MAF: variants seen among roughly 807,000 people sequenced by gnomAD.
The protein encoded by MAF is MAF bZIP transcription factor.
In MAF, 10 loss-of-function variants were observed where a neutral mutation model predicts 22.0. That is an observed-to-expected ratio of 0.45 (90% CI 0.28 to 0.77). The LOEUF (loss-of-function observed/expected upper bound fraction) is 0.77. Among genes scored for constraint, MAF ranks in the 30% least tolerant of loss-of-function variants. The pLI, the probability that MAF is intolerant of heterozygous loss-of-function variation, is 0.12. For synonymous variants in MAF, 337 were observed against 255.8 expected (o/e 1.32, Z -3.03); for missense variants, 544 against 548.4 (o/e 0.99, Z 0.08).
At chr16:79,325,907 C>T in the MAF span, among the ~76,000 whole-genome samples, 4 of 152,146 alleles carry the variant, frequency 2.6e-5, no homozygotes, top group Non-Finnish European at 5.9e-5. Context: ...AGGAAGGTAT[C>T]TTACCAGGAT....
At chr16:79,280,731 C>G in the MAF span, among the ~76,000 whole-genome samples, 1 of 152,218 alleles carries the variant, frequency 6.6e-6, no homozygotes, top group Non-Finnish European at 1.5e-5. Flanking sequence ...ACTGTCTTGT[C>G]CAGCCCCTGC....
At chr16:79,391,872 A>AAGGAGGAGGAGGAGGAGG in the MAF span, among the ~76,000 whole-genome samples, 2 of 136,986 alleles carry the variant, frequency 1.5e-5, no homozygotes, top group African/African-American at 5.7e-5. Flanking sequence ...GGAGGAGGAG[A>AAGGAGGAGGAGGAGGAGG]AGGAGGAGGA....
chr16:79,314,744 G>T, the MAF span, among the ~76,000 whole-genome samples: 2 of 152,170 alleles, frequency 1.3e-5, no homozygotes, highest in African/African-American at 4.8e-5. Context: ...CTAGAAATGA[G>T]AGGAGGCTCG....
the MAF span, among the ~76,000 whole-genome samples, chr16:79,519,037 C>G: frequency 2.6e-5 from 4 of 152,226 alleles, no homozygotes; most frequent in Non-Finnish European, 4.4e-5. Context: ...ATGCATCTAT[C>G]ACATGTCTTA....
At chr16:79,540,807 G>T in the MAF span, among the ~76,000 whole-genome samples, 1 of 152,170 alleles carries the variant, frequency 6.6e-6, no homozygotes. Context: ...AGCTATCTTA[G>T]GGTTATTTGG....
chr16:79,204,319 C>T, the MAF span: 2 of 152,100 alleles, frequency 1.3e-5, no homozygotes, highest in African/African-American at 2.4e-5. Context: ...TTCTAGAACG[C>T]TTTGGGCAGG....
At chr16:79,454,216 CAT>C in the MAF span, among the ~76,000 whole-genome samples, 1 of 152,080 alleles carries the variant, frequency 6.6e-6, no homozygotes, top group Non-Finnish European at 1.5e-5. Context: ...GGCTGAACTT[CAT>C]ATCAGTGTGG....
the MAF span, among the ~76,000 whole-genome samples, chr16:79,470,632 T>A: frequency 6.6e-6 from 1 of 152,236 alleles, no homozygotes; most frequent in Non-Finnish European, 1.5e-5. Flanking sequence ...TTACTGGGTA[T>A]TATTCTTCCC....
At chr16:79,445,201 T>G in the MAF span, among the ~76,000 whole-genome samples, 2 of 81,422 alleles carry the variant, frequency 2.5e-5, no homozygotes, top group Non-Finnish European at 5.7e-5. Flanking sequence ...ACCCGTCTAA[T>G]TTTTTGTATT....
chr16:79,526,223 G>C, the MAF span, among the ~76,000 whole-genome samples: 1 of 152,116 alleles, frequency 6.6e-6, no homozygotes, highest in African/African-American at 2.4e-5. Flanking sequence ...TTTTTCCATG[G>C]ATGGGTGTTG....
the MAF span, among the ~76,000 whole-genome samples, chr16:79,460,496 T>C: frequency 2.6e-5 from 4 of 152,216 alleles, no homozygotes; most frequent in Non-Finnish European, 5.9e-5. Context: ...CCTGCAACAT[T>C]ATGATATTTT....
At chr16:79,389,110 C>G in the MAF span, among the ~76,000 whole-genome samples, 1 of 152,186 alleles carries the variant, frequency 6.6e-6, no homozygotes, top group African/African-American at 2.4e-5. Flanking sequence ...CAGCGGGTGG[C>G]AAACATTTGA....
chr16:79,435,000 T>C, the MAF span, among the ~76,000 whole-genome samples: 2 of 152,178 alleles, frequency 1.3e-5, no homozygotes, highest in African/African-American at 4.8e-5. Flanking sequence ...TGCTTATCTG[T>C]TGGGAGTGAT....
chr16:79,289,184 T>C, the MAF span, among the ~76,000 whole-genome samples: 1 of 152,050 alleles, frequency 6.6e-6, no homozygotes, highest in Non-Finnish European at 1.5e-5. Flanking sequence ...ACTGTAGGGA[T>C]TTCAAGCAGG....
downstream of MAF, among the ~76,000 whole-genome samples, chr16:79,583,593 T>C (rs1912658742): frequency 6.6e-6 from 1 of 152,170 alleles, no homozygotes; most frequent in African/African-American, 2.4e-5. Flanking sequence ...ATGAGCACGC[T>C]AAGGTCCATC....
At chr16:79,571,075 G>T in the MAF span, among the ~76,000 whole-genome samples, 2 of 150,670 alleles carry the variant, frequency 1.3e-5, no homozygotes, top group African/African-American at 4.9e-5. Context: ...TGACTGTGTA[G>T]TTTGCTCCAC....
At chr16:79,384,395 A>G in the MAF span, among the ~76,000 whole-genome samples, 1 of 149,878 alleles carries the variant, frequency 6.7e-6, no homozygotes, top group Non-Finnish European at 1.5e-5. Flanking sequence ...CAGTGAGCCA[A>G]GATTACGCTA....
At chr16:79,470,187 C>T in the MAF span, among the ~76,000 whole-genome samples, 12 of 152,174 alleles carry the variant, frequency 7.9e-5, no homozygotes, top group Non-Finnish European at 1.5e-4. Context: ...ACATGAGCGG[C>T]GGAGATAGGA....
At chr16:79,311,497 TAA>T in the MAF span, among the ~76,000 whole-genome samples, 306 of 136,640 alleles carry the variant, frequency 2.2e-3, 1 homozygote, top group African/African-American at 4.4e-3. Flanking sequence ...TTGTTTTCTT[TAA>T]AAAAAAAAAA....
Sources: allele counts gnomAD v4.1 joint callset (sites outside exome capture counted in the v4.1 genomes callset), GRCh38; gene constraint gnomAD v4.1.1; transcripts MANE v1.5; gene names NCBI Gene and HGNC (gene_info 2026-07-23, HGNC 2026-07-21).